The following MFSD8 variants were observed in gnomAD, a reference collection of about 807,000 sequenced individuals.
MFSD8 encodes major facilitator superfamily domain containing 8, also known as major facilitator superfamily domain-containing protein 8.
In MFSD8, 55 loss-of-function variants were observed where a neutral mutation model predicts 66.4. That is an observed-to-expected ratio of 0.83 (90% CI 0.67 to 1.04). The LOEUF (loss-of-function observed/expected upper bound fraction) is 1.04. MFSD8 is among the 50% of genes least tolerant of loss of function. MFSD8 has a pLI of 0.00. For missense variants in MFSD8, 550 were observed against 627.6 expected (o/e 0.88, Z 1.32); for synonymous variants, 202 against 212.8 (o/e 0.95, Z 0.44).
chr4:127,948,298 A>G (rs759697634), intron 3 of MFSD8, among the ~76,000 whole-genome samples: 5 of 152,104 alleles, frequency 3.3e-5, no homozygotes, highest in Admixed American at 6.5e-5. Context: ...GCAGCCTCCT[A>G]ATAAATAGAA....
At chr4:127,958,945 C>G (rs1743310105) in intron 1 of MFSD8, among the ~76,000 whole-genome samples, 1 of 152,176 alleles carries the variant, frequency 6.6e-6, no homozygotes, top group Non-Finnish European at 1.5e-5. Context: ...GCTAAAACAA[C>G]TGACTGGAAG....
chr4:127,938,178 AT>A (rs1212873201), intron 7 of MFSD8, among the ~76,000 whole-genome samples: 1 of 152,222 alleles, frequency 6.6e-6, no homozygotes, highest in Non-Finnish European at 1.5e-5. Flanking sequence ...TATGGAAATC[AT>A]TGCAAATATC....
At chr4:127,931,985 C>T (rs536708639) in intron 8 of MFSD8, among the ~76,000 whole-genome samples, 1 of 152,086 alleles carries the variant, frequency 6.6e-6, no homozygotes, top group Non-Finnish European at 1.5e-5. Context: ...GTGGCGCATG[C>T]CTGTGGTCCC....
rs1458806628 is a variant in MFSD8 at position 127,943,886 on chromosome 4, G to A, written c.305C>T (p.Pro102Leu). ...GGAGACAATAAGAGGCTCTTTTCTT[G>A]GTCTATAATTAGACCATAAACCAAA... ...PIFGLWSNYR[P>L]RKEPLIVSIL... The change falls in exon 4 of 12, where the codon CCA becomes CTA. Residue 102 changes from proline (P) to leucine (L), a missense_variant. By Grantham distance (98) the Pro-to-Leu change is moderately conservative. Coordinates refer to ENST00000641686, the MANE Select transcript of MFSD8 (RefSeq NM_001371596.2). 2.5e-6 allele frequency: 4 copies of A among 1,613,926 alleles called. No homozygotes were observed. The highest frequency in any genetic ancestry group is 1.3e-5 in the African/African-American group (1 of 74,878).
At position 127,918,894 on chromosome 4, in the gene MFSD8, C is replaced by T. The variant is rs546222500; in HGVS notation, c.*1736G>A. Reference sequence around the variant, plus strand: ...TTATTCTTGTTATTTTTGTCATGCACACTATGCAAACCAAGGGTAGAGTTT... The same window carrying T: ...TTATTCTTGTTATTTTTGTCATGCATACTATGCAAACCAAGGGTAGAGTTT... On this transcript the variant is annotated 3_prime_UTR_variant, in exon 12 of 12. Coordinates refer to ENST00000641686, the MANE Select transcript of MFSD8 (RefSeq NM_001371596.2). The T allele has an allele frequency of 6.6e-6, 1 of 152,268 alleles. No individual in the cohort carries two copies. Among genetic ancestry groups the T allele is most frequent in the South Asian group, 2.1e-4 (1 of 4,828 alleles). The allele number at this position is 152,268 out of a possible 1,614,324, so 9.4% of individuals were successfully genotyped here. A position where few individuals can be genotyped will look rare whatever the true frequency, so the allele number is the denominator to read the frequency against.
At position 127,943,876 on chromosome 4, in the gene MFSD8, C is replaced by T. The variant is rs1740610356; in HGVS notation, c.315G>A (p.Glu105=). 2.5e-6 allele frequency: 4 copies of T among 1,614,022 alleles called. No individual in the cohort carries two copies. Among genetic ancestry groups the T allele is most frequent in the South Asian group, 1.1e-5 (1 of 91,084 alleles). The change falls in exon 4 of 12, where the codon GAG becomes GAA. Residue 105 remains glutamate (E), a synonymous_variant. Transcript: ENST00000641686. Reference sequence around the variant, plus strand: ...AAATCAAGATGGAGACAATAAGAGGCTCTTTTCTTGGTCTATAATTAGACC... The same window carrying T: ...AAATCAAGATGGAGACAATAAGAGGTTCTTTTCTTGGTCTATAATTAGACC... The part of the protein sequence containing the change: ...GLWSNYRPRK[E]PLIVSILISV...
At position 127,940,392 on chromosome 4, in the gene MFSD8, T is replaced by C. The variant is rs571608334; in HGVS notation, c.554-395A>G. Among the ~76,000 whole-genome samples, 5 of 151,900 alleles carry C rather than the reference T, an allele frequency of 3.3e-5. No homozygotes were observed. The East Asian group carries it at 9.7e-4, about 29-fold the overall frequency. On this transcript the variant is annotated intron_variant, in intron 5 of 11. Coordinates refer to ENST00000641686, the MANE Select transcript of MFSD8 (RefSeq NM_001371596.2). Reference sequence around the variant, plus strand: ...ACTTCTCAGTTTTTTACAAAACATCTCCATAGGCAATTTAAATTATACAAT... The same window carrying C: ...ACTTCTCAGTTTTTTACAAAACATCCCCATAGGCAATTTAAATTATACAAT...
chr4:127,921,609 G>A lies in MFSD8; in HGVS notation c.1265C>T (p.Ser422Leu), dbSNP rs1394582555. ...ATAGCCTAATCCTATTAGCACAGCT[G>A]ATGTAAGGAACTGGGCCAGATGAAT... ...PVIHLAQFLT[S>L]AVLIGLGYPV... The change falls in exon 11 of 12, where the codon TCA (serine) becomes TTA (leucine). Residue 422 changes from serine (S) to leucine (L), a missense_variant. Ser to Leu is a moderately radical substitution (Grantham distance 145, BLOSUM62 -2). Coordinates refer to ENST00000641686, the MANE Select transcript of MFSD8 (RefSeq NM_001371596.2). 1 of 1,614,080 alleles carries A rather than the reference G, an allele frequency of 6.2e-7. No homozygotes were observed. Among genetic ancestry groups the A allele is most frequent in the Non-Finnish European group, 8.5e-7 (1 of 1,180,048 alleles).
chr4:127,919,958 C>A lies in MFSD8; in HGVS notation c.*672G>T, dbSNP rs920702309. On this transcript the variant is annotated 3_prime_UTR_variant, in exon 12 of 12. Transcript: ENST00000641686. ...AGTGAAGTATCTTGATCTCTTAATC[C>A]TCTGTATTGCTCAAATATTAGCATT... 2 of 153,002 alleles carry A rather than the reference C, an allele frequency of 1.3e-5. No individual in the cohort carries two copies. Among genetic ancestry groups the A allele is most frequent in the Admixed American group, 1.3e-4 (2 of 15,400 alleles). 9.5% of individuals were successfully genotyped at this position (153,002 alleles called of 1,614,324 possible). A position where few individuals can be genotyped will look rare whatever the true frequency, so the allele number is the denominator to read the frequency against.
At chr4:127,956,561 G>C (rs917141294) in intron 2 of MFSD8, among the ~76,000 whole-genome samples, 1 of 151,500 alleles carries the variant, frequency 6.6e-6, no homozygotes, top group Non-Finnish European at 1.5e-5. Context: ...ACTCACGCCT[G>C]TAATCGCAGC....
intron 2 of MFSD8, among the ~76,000 whole-genome samples, chr4:127,957,201 G>C (rs1743031138): frequency 6.6e-6 from 1 of 152,120 alleles, no homozygotes; most frequent in Non-Finnish European, 1.5e-5. Context: ...GAGCTATCTA[G>C]AATAGTCAAA....
At chr4:127,956,634 C>T (rs1742931866) in intron 2 of MFSD8, among the ~76,000 whole-genome samples, 1 of 151,844 alleles carries the variant, frequency 6.6e-6, no homozygotes, top group African/African-American at 2.4e-5. Context: ...GCCTGACCAA[C>T]ATGGAGACAT....
At chr4:127,925,772 A>G (rs1737098101) in intron 9 of MFSD8, among the ~76,000 whole-genome samples, 1 of 152,204 alleles carries the variant, frequency 6.6e-6, no homozygotes, top group African/African-American at 2.4e-5. Context: ...TCATTCTACT[A>G]TGAAGACACA....
intron 11 of MFSD8, chr4:127,921,201 G>A (rs1736296460): frequency 6.9e-6 from 4 of 580,422 alleles, no homozygotes; most frequent in Admixed American, 6.2e-5. Context: ...TGTTATGCCT[G>A]TTTAACAAAG....
intron 1 of MFSD8, 151 bp from the exon 2 acceptor site, chr4:127,957,743 A>C: frequency 1.6e-6 from 1 of 618,992 alleles, no homozygotes; most frequent in Non-Finnish European, 2.8e-6. Context: ...TCTATGAATA[A>C]GCATTATTTT....
chr4:127,921,789 T>C lies in MFSD8; in HGVS notation c.1103-18A>G, dbSNP rs748197230. On this transcript the variant is annotated intron_variant, in intron 10 of 11. Coordinates refer to ENST00000641686, the MANE Select transcript of MFSD8 (RefSeq NM_001371596.2). Reference sequence around the variant, plus strand: ...GTGCAAATCTGTAAAAACAAAACCATTGCAGTGCATTACTTGTTGATTTTA... The same window carrying C: ...GTGCAAATCTGTAAAAACAAAACCACTGCAGTGCATTACTTGTTGATTTTA... The C allele has an allele frequency of 1.3e-5, 21 of 1,613,958 alleles. No homozygotes were observed. The highest frequency in any genetic ancestry group is 2.2e-5 in the South Asian group (2 of 91,086).
chr4:127,921,297 C>T, intron 11 of MFSD8: 2 of 717,204 alleles, frequency 2.8e-6, no homozygotes, highest in Non-Finnish European at 4.5e-6. Context: ...CCACTTTACA[C>T]TCTACCACAA....
intron 9 of MFSD8, among the ~76,000 whole-genome samples, chr4:127,923,610 T>C (rs2391209): frequency 0.99 from 145,198 of 147,392 alleles, 71,556 homozygotes; most frequent in East Asian, 1. Flanking sequence ...GACAGAGTCT[T>C]GCTCTGTCGC....
Position 127,927,220 on chromosome 4 carries a change from C to T in MFSD8, c.998+3463G>A, listed in dbSNP as rs578197690. Among the ~76,000 whole-genome samples, 23 of 150,838 alleles carry T rather than the reference C, an allele frequency of 1.5e-4. No individual in the cohort carries two copies. In the East Asian group the frequency reaches 3.1e-3, roughly 20 times the overall value. On this transcript the variant is annotated intron_variant, in intron 9 of 11. Transcript: ENST00000641686. The stretch of plus-strand genomic sequence containing the variant: ...GCTTTTTTTGAGATGGAATTTCACT[C>T]TTGTCATCCAGGCTGGAATGCAATG...
Sources: gnomAD v4.1 joint callset for allele counts (sites outside exome capture counted in the v4.1 genomes callset) on GRCh38, gnomAD v4.1.1 for gene constraint, MANE v1.5 for transcripts, NCBI Gene and HGNC (gene_info 2026-07-23, HGNC 2026-07-21) for gene names.